The following MYB variants were observed in gnomAD, a reference collection of about 807,000 sequenced individuals.
MYB encodes the protein transcriptional activator Myb.
MYB carries 28 observed loss-of-function variants against 92.9 expected under a neutral mutation model. The observed-to-expected ratio is 0.30, with a 90% CI of 0.22 to 0.41. The LOEUF (loss-of-function observed/expected upper bound fraction) is 0.41. MYB is among the 10% of genes least tolerant of loss of function. MYB has a pLI of 1.00. For missense variants in MYB, 679 were observed against 929.3 expected, an observed-to-expected ratio of 0.73 and a Z score of 3.50; for synonymous variants, 295 against 329.1, an observed-to-expected ratio of 0.90 and a Z score of 1.12.
chr6:135,185,428 TAAAAC>T (rs1327181833), intron 1 of MYB, among the ~76,000 whole-genome samples: 1 of 152,234 alleles, frequency 6.6e-6, no homozygotes, highest in African/African-American at 2.4e-5. Flanking sequence ...CTTCTTTTAA[TAAAAC>T]AAAAACCCCA....
In MYB at chr6:135,218,250, T is replaced by A. The variant is rs74299305; in HGVS notation, c.*270T>A. The A allele has an allele frequency of 3.7e-3, 1,219 of 333,682 alleles. 7 individuals carry two copies. The highest frequency in any genetic ancestry group is 5.1e-3 in the Admixed American group (106 of 20,866). The allele number at this position is 333,682 out of a possible 1,614,324, so 20.7% of individuals were successfully genotyped here. Reference sequence around the variant, plus strand: ...GTTAATATCTTAATGCAGATTTTTTTAAAAAAAACATAAAATGATTTATCT... The same window carrying A: ...GTTAATATCTTAATGCAGATTTTTTAAAAAAAAACATAAAATGATTTATCT... On this transcript the variant is annotated 3_prime_UTR_variant, in exon 16 of 16. Coordinates refer to ENST00000341911, the MANE Select transcript of MYB (RefSeq NM_001130173.2).
At chr6:135,188,049 T>C (rs1360548226) in intron 3 of MYB, 144 bp downstream of exon 3, 6 of 400,236 alleles carry the variant, frequency 1.5e-5, no homozygotes, top group Non-Finnish European at 2.6e-5. Flanking sequence ...AACTTATATT[T>C]TATATTATAA....
At chr6:135,216,652 C>A (rs907428171) in intron 15 of MYB, among the ~76,000 whole-genome samples, 25 of 152,148 alleles carry the variant, frequency 1.6e-4, no homozygotes, top group African/African-American at 6.0e-4. Context: ...GATATGGGAC[C>A]CACAGATGCA....
rs1775158232 is a variant in MYB, at chr6:135,182,203, G to T, written c.23+667G>T. ...GCAAACATTGCACGCGCACCCACAC[G>T]CGCCGCCGTCGCACATGTCACTGCA... On this transcript the variant is annotated intron_variant, in intron 1 of 15. Transcript: ENST00000341911. This position sits in a 1 kb window ranked among gnomAD's most constrained non-coding sequence, Gnocchi z 5.6. Among the ~76,000 whole-genome samples the T allele has an allele frequency of 6.6e-6, 1 of 152,196 alleles. No individual in the cohort carries two copies. Among genetic ancestry groups the T allele is most frequent in the Non-Finnish European group, 1.5e-5 (1 of 68,024 alleles).
rs1253938080 is a variant in MYB at position 135,219,063 on chromosome 6, G to A, written c.*1083G>A. On this transcript the variant is annotated 3_prime_UTR_variant, in exon 16 of 16. Transcript: ENST00000341911. Reference sequence around the variant, plus strand: ...AGACAGAAACTGTGGTTGATAGCCAGTCACTGCCTTAAGAACATTTGATGC... The same window carrying A: ...AGACAGAAACTGTGGTTGATAGCCAATCACTGCCTTAAGAACATTTGATGC... The A allele has an allele frequency of 4.4e-6, 1 of 225,564 alleles. No homozygotes were observed. Among genetic ancestry groups the A allele is most frequent in the Non-Finnish European group, 8.9e-6 (1 of 112,904 alleles). The allele number at this position is 225,564 out of a possible 1,614,324, so 14.0% of individuals were successfully genotyped here.
intron 5 of MYB, among the ~76,000 whole-genome samples, chr6:135,191,509 TA>T (rs1287645599): frequency 6.6e-6 from 1 of 152,110 alleles, no homozygotes; most frequent in Non-Finnish European, 1.5e-5. Context: ...AAGAGGTTGG[TA>T]AAAAAAGGCC....
At chr6:135,197,436 T>C (rs1004174718) in intron 10 of MYB, 113 bp downstream of exon 10, 13 of 1,037,006 alleles carry the variant, frequency 1.3e-5, no homozygotes, top group Admixed American at 7.1e-5. Flanking sequence ...CCTTTGCTGA[T>C]TTCATTCTGT....
At chr6:135,212,540 A>G (rs1230541207) in intron 15 of MYB, among the ~76,000 whole-genome samples, 5 of 152,150 alleles carry the variant, frequency 3.3e-5, no homozygotes, top group Non-Finnish European at 7.3e-5. Flanking sequence ...AGGATATCCC[A>G]GTTAAAGCTT....
intron 13 of MYB, 189 bp downstream of exon 13, chr6:135,200,604 A>G (rs929327362): frequency 2.6e-6 from 2 of 754,854 alleles, no homozygotes; most frequent in East Asian, 2.8e-5. Context: ...TGGGAAGCCA[A>G]GCCATCTCTA....
At chr6:135,184,595 A>G (rs1344199848) in intron 1 of MYB, among the ~76,000 whole-genome samples, 1 of 152,170 alleles carries the variant, frequency 6.6e-6, no homozygotes, top group Non-Finnish European at 1.5e-5. Context: ...ATAGCTTTAA[A>G]TTATGAGAAC....
Position 135,191,227 on chromosome 6 carries a change from G to T in MYB, c.527+880G>T, listed in dbSNP as rs192323345. On this transcript the variant is annotated intron_variant, in intron 5 of 15. Transcript: ENST00000341911. ...AGGGTAATAATGCTTTCTTTTTAAT[G>T]AACAAGGCAAGAAAATGACCTCATT... 2.0e-3 allele frequency among the ~76,000 whole-genome samples: 302 copies of T among 152,232 alleles called. 1 individual carries two copies. The highest frequency in any genetic ancestry group is 6.8e-3 in the Middle Eastern group (2 of 294).
Position 135,201,627 on chromosome 6 carries a change from A to G in MYB, c.1951-12A>G, listed in dbSNP as rs1275943995. 2 of 1,584,470 alleles carry G rather than the reference A, an allele frequency of 1.3e-6. No homozygotes were observed. The highest frequency in any genetic ancestry group is 1.7e-6 in the Non-Finnish European group (2 of 1,155,284). On this transcript the variant is annotated splice_polypyrimidine_tract_variant and intron_variant, in intron 13 of 15. Transcript: ENST00000341911. ...TTCTAGAAACAACAAAGCACTTTCT[A>G]TATGCTTTTAGGTGGAATCTCCAAC...
chr6:135,197,204 AAACGGGG>A lies in MYB; in HGVS notation c.1448_1454del (p.Lys483ThrfsTer6). The A allele has an allele frequency of 6.2e-7, 1 of 1,613,958 alleles. No homozygotes were observed. Among genetic ancestry groups the A allele is most frequent in the Non-Finnish European group, 8.5e-7 (1 of 1,179,878 alleles). On this transcript the variant is annotated frameshift_variant, in exon 10 of 16. Coordinates refer to ENST00000341911, the MANE Select transcript of MYB (RefSeq NM_001130173.2). LOFTEE classifies it high-confidence loss of function. ...AATTCCACTGGTCATCCTTCGAAAAAAACGGGGCCAGGCCAGCCCCTTAGCCACTGGA... is the reference window on the plus strand; with the variant it reads ...AATTCCACTGGTCATCCTTCGAAAAACCAGGCCAGCCCCTTAGCCACTGGA...
chr6:135,198,330 G>T (rs184960077), intron 10 of MYB, among the ~76,000 whole-genome samples: 7 of 152,114 alleles, frequency 4.6e-5, no homozygotes, highest in African/African-American at 1.7e-4. Flanking sequence ...TTAATATGCC[G>T]TTGTGCCTTG....
At position 135,182,493 on chromosome 6, in the gene MYB, G is replaced by A. The variant is rs190434517; in HGVS notation, c.23+957G>A. Reference sequence around the variant, plus strand: ...GCCGGCAGCACCCAAGGCCGCTGCCGCGCAACCGGGACGCGATCCCCGCGG... The same window carrying A: ...GCCGGCAGCACCCAAGGCCGCTGCCACGCAACCGGGACGCGATCCCCGCGG... On this transcript the variant is annotated intron_variant, in intron 1 of 15. Transcript: ENST00000341911. The surrounding 1 kb of genome is among the most constrained non-coding windows in gnomAD (Gnocchi z 5.6). 4.3e-3 allele frequency among the ~76,000 whole-genome samples: 660 copies of A among 152,304 alleles called. 8 individuals are homozygous for A. The highest frequency in any genetic ancestry group is 0.015 in the African/African-American group (632 of 41,564).
intron 4 of MYB, 67 bp downstream of exon 4, chr6:135,189,950 T>G: frequency 6.6e-7 from 1 of 1,515,802 alleles, no homozygotes; most frequent in Non-Finnish European, 9.1e-7. Flanking sequence ...AATATTTTCC[T>G]ATTTGAGGAA....
rs191654390 is a variant in MYB at position 135,193,205 on chromosome 6, A to G, written c.763-633A>G. ...TTATATTTAGGGAAAGTGATAATCC[A>G]TAATAGGTGGAAAAAGAAGAAGAAA... is the stretch of plus-strand genomic sequence containing the variant. On this transcript the variant is annotated intron_variant, in intron 6 of 15. Transcript: ENST00000341911. 2.6e-5 allele frequency among the ~76,000 whole-genome samples: 4 copies of G among 152,332 alleles called. No individual in the cohort carries two copies. In the East Asian group the frequency reaches 7.7e-4, roughly 29 times the overall value.
chr6:135,205,411 C>G (rs1778729472), intron 15 of MYB, among the ~76,000 whole-genome samples: 1 of 152,090 alleles, frequency 6.6e-6, no homozygotes. Flanking sequence ...TTCTAAATTT[C>G]AAAAAGCCAA....
In MYB at chr6:135,189,707, T is replaced by C. The variant is rs956618091; in HGVS notation, c.214-84T>C. The C allele has an allele frequency of 5.7e-6, 6 of 1,053,490 alleles. No individual in the cohort carries two copies. In the African/African-American group the frequency reaches 9.4e-5, roughly 17 times the overall value. 65.3% of individuals were successfully genotyped at this position (1,053,490 alleles called of 1,614,324 possible). ...TCTTAAATATTTTCACTGCATATGG[T>C]CTATGTGTGATTCCTATTACAACAA... On this transcript the variant is annotated intron_variant, in intron 3 of 15. Coordinates refer to ENST00000341911, the MANE Select transcript of MYB (RefSeq NM_001130173.2).
Sources: gnomAD v4.1 joint callset for allele counts (sites outside exome capture counted in the v4.1 genomes callset) on GRCh38, gnomAD v4.1.1 for gene constraint, Gnocchi (gnomAD v3.1) non-coding constraint, MANE v1.5 for transcripts, NCBI Gene and HGNC (gene_info 2026-07-23, HGNC 2026-07-21) for gene names.